Variants in DNER observed in about 807,000 individuals in gnomAD.
The protein encoded by DNER is delta and Notch-like epidermal growth factor-related receptor.
In DNER, 33 loss-of-function variants were observed where a neutral mutation model predicts 78.2. That is an observed-to-expected ratio of 0.42 (90% CI 0.32 to 0.56). The LOEUF (loss-of-function observed/expected upper bound fraction) is 0.56, where lower values mean the gene tolerates loss of function less well. Among genes scored for constraint, DNER ranks in the 20% least tolerant of loss-of-function variants. The pLI, the probability that DNER is intolerant of heterozygous loss-of-function variation, is 0.11. For synonymous variants in DNER, 417 were observed against 384.8 expected (o/e 1.08, Z -0.98); for missense variants, 918 against 975.3 (o/e 0.94, Z 0.78).
Position 229,649,159 on chromosome 2 carries a change from G to A in DNER, c.277-57271C>T, listed in dbSNP as rs142192483. On this transcript the variant is annotated intron_variant, in intron 1 of 12. Coordinates refer to ENST00000341772, the MANE Select transcript of DNER (RefSeq NM_139072.4). ...TCAAAAGGCCTTGGCGAGTACTCTC[G>A]GCTCTTCTAATTCACCATCATTCAG... Among the ~76,000 whole-genome samples the A allele has an allele frequency of 1.9e-3, 284 of 152,278 alleles. 1 individual carries two copies. The highest frequency in any genetic ancestry group is 3.3e-3 in the South Asian group (16 of 4,814).
intron 10 of DNER, among the ~76,000 whole-genome samples, chr2:229,399,910 G>A (rs1191203957): frequency 7.2e-5 from 11 of 151,902 alleles, no homozygotes; most frequent in Admixed American, 6.6e-4. Flanking sequence ...TATTACAACT[G>A]TATGGAACAA....
intron 8 of DNER, among the ~76,000 whole-genome samples, chr2:229,440,903 T>C (rs945099716): frequency 3.3e-5 from 5 of 152,234 alleles, no homozygotes; most frequent in Admixed American, 2.6e-4. Flanking sequence ...TTATTTCTAT[T>C]GGTACTTGCT....
At chr2:229,594,667 A>G (rs1191789439) in intron 1 of DNER, among the ~76,000 whole-genome samples, 1 of 152,166 alleles carries the variant, frequency 6.6e-6, no homozygotes, top group Non-Finnish European at 1.5e-5. Context: ...CTATACTAGG[A>G]GACCATGTCT....
At chr2:229,503,331 G>A (rs759791) in intron 6 of DNER, among the ~76,000 whole-genome samples, 98,129 of 152,054 alleles carry the variant, frequency 0.65, 33,170 homozygotes, top group African/African-American at 0.86. Context: ...GGCCCTTGCT[G>A]GACTAGCATT....
chr2:229,479,682 C>T (rs557215347), intron 6 of DNER, among the ~76,000 whole-genome samples: 1 of 148,152 alleles, frequency 6.7e-6, no homozygotes, highest in East Asian at 2.0e-4. Context: ...CACTGCACTC[C>T]AGCCTGGACA....
chr2:229,501,665 TCAAA>T (rs1695626953), intron 6 of DNER, among the ~76,000 whole-genome samples: 7 of 152,222 alleles, frequency 4.6e-5, no homozygotes, highest in Admixed American at 4.6e-4. Context: ...AATTCATTCA[TCAAA>T]CAAAATAATT....
At chr2:229,463,982 C>A (rs1487211760) in intron 7 of DNER, among the ~76,000 whole-genome samples, 1 of 152,182 alleles carries the variant, frequency 6.6e-6, no homozygotes, top group Non-Finnish European at 1.5e-5. Flanking sequence ...GTGTGCGTGG[C>A]ACCAGCTCTA....
chr2:229,364,994 T>C (rs1179517805), intron 12 of DNER, among the ~76,000 whole-genome samples: 1 of 151,534 alleles, frequency 6.6e-6, no homozygotes, highest in Non-Finnish European at 1.5e-5. Context: ...GGGATTACAG[T>C]GCTTATCTTT....
At chr2:229,687,152 C>T (rs546366563) in intron 1 of DNER, among the ~76,000 whole-genome samples, 2 of 152,190 alleles carry the variant, frequency 1.3e-5, no homozygotes, top group Non-Finnish European at 2.9e-5. Flanking sequence ...AGAGCTATGC[C>T]ATTATTTAAA....
At chr2:229,661,440 AC>A (rs71045785) in intron 1 of DNER, among the ~76,000 whole-genome samples, 131,336 of 152,132 alleles carry the variant, frequency 0.86, 58,767 homozygotes, top group Non-Finnish European at 0.98. Flanking sequence ...AACTACCAAG[AC>A]CAGGAAATAG....
chr2:229,413,318 C>CTTTTTTTTTTTTTTTT (rs751043233), intron 9 of DNER, among the ~76,000 whole-genome samples: 3 of 89,498 alleles, frequency 3.4e-5, no homozygotes, highest in Admixed American at 1.1e-4. Flanking sequence ...TCTTTTTCTT[C>CTTTTTTTTTTTTTTTT]TTCTTTTTTT....
chr2:229,561,863 C>T (rs1481221807), intron 4 of DNER, among the ~76,000 whole-genome samples: 1 of 152,172 alleles, frequency 6.6e-6, no homozygotes, highest in South Asian at 2.1e-4. Context: ...GGCCACGCAG[C>T]TAAAGTATGT....
At chr2:229,675,486 C>A (rs1215767253) in intron 1 of DNER, among the ~76,000 whole-genome samples, 1 of 152,218 alleles carries the variant, frequency 6.6e-6, no homozygotes, top group Non-Finnish European at 1.5e-5. Context: ...TACCATCCAG[C>A]AGGAAGCTGG....
intron 1 of DNER, among the ~76,000 whole-genome samples, chr2:229,660,105 G>A (rs1698983540): frequency 6.6e-6 from 1 of 152,156 alleles, no homozygotes; most frequent in African/African-American, 2.4e-5. Context: ...TTAAGGAAAT[G>A]TAAATGTGCT....
Position 229,621,693 on chromosome 2 carries a change from A to G in DNER, c.277-29805T>C, listed in dbSNP as rs7593572. 5.9e-5 allele frequency among the ~76,000 whole-genome samples: 9 copies of G among 152,112 alleles called. No homozygotes were observed. In the East Asian group the frequency reaches 1.7e-3, roughly 29 times the overall value. On this transcript the variant is annotated intron_variant, in intron 1 of 12. Coordinates refer to ENST00000341772, the MANE Select transcript of DNER (RefSeq NM_139072.4). ...GGATGATCTGGGGCCACCTGGATGCACCTGGCCTGACCCTCACTCCTTGCC... is the reference window on the plus strand; with the variant it reads ...GGATGATCTGGGGCCACCTGGATGCGCCTGGCCTGACCCTCACTCCTTGCC...
intron 1 of DNER, among the ~76,000 whole-genome samples, chr2:229,593,262 CT>C (rs1257654407): frequency 1.3e-5 from 2 of 152,166 alleles, no homozygotes; most frequent in African/African-American, 4.8e-5. Context: ...ACAAACCTTC[CT>C]CCTCCCTTGT....
intron 1 of DNER, among the ~76,000 whole-genome samples, chr2:229,675,917 C>T (rs928722126): frequency 4.6e-5 from 7 of 152,140 alleles, no homozygotes; most frequent in African/African-American, 1.7e-4. Flanking sequence ...GTACCACTGC[C>T]AGGGCTGCTC....
At chr2:229,421,855 C>G (rs1415423691) in intron 8 of DNER, among the ~76,000 whole-genome samples, 1 of 152,022 alleles carries the variant, frequency 6.6e-6, no homozygotes, top group Non-Finnish European at 1.5e-5. Flanking sequence ...TAATATATAA[C>G]CATAACCCTG....
chr2:229,489,300 A>G (rs1695343911), intron 6 of DNER, among the ~76,000 whole-genome samples: 1 of 152,228 alleles, frequency 6.6e-6, no homozygotes, highest in Non-Finnish European at 1.5e-5. Context: ...GTCATCATAA[A>G]TAAAGGAAAC....
Sources: gnomAD v4.1 joint callset for allele counts (sites outside exome capture counted in the v4.1 genomes callset) on GRCh38, gnomAD v4.1.1 for gene constraint, MANE v1.5 for transcripts, NCBI Gene and HGNC (gene_info 2026-07-23, HGNC 2026-07-21) for gene names.